The following ULK4 variants were observed in gnomAD, a reference collection of about 807,000 sequenced individuals.
ULK4 encodes the protein unc-51 like kinase 4, also known as inactive serine/threonine-protein kinase ULK4.
ULK4 carries 133 observed loss-of-function variants against 160.6 expected under a neutral mutation model. That is an observed-to-expected ratio of 0.83 (90% CI 0.72 to 0.96). The LOEUF is 0.96. Among genes scored for constraint, ULK4 ranks in the 40% least tolerant of loss-of-function variants. The pLI, the probability that ULK4 is intolerant of heterozygous loss-of-function variation, is 0.00. For missense variants in ULK4, 1,580 were observed against 1,499.5 expected, an observed-to-expected ratio of 1.05 and a Z score of -0.89; for synonymous variants, 534 against 539.8, an observed-to-expected ratio of 0.99 and a Z score of 0.15.
chr3:41,520,766 A>C (rs151042350), intron 32 of ULK4, among the ~76,000 whole-genome samples: 380 of 152,300 alleles, frequency 2.5e-3, no homozygotes, highest in Non-Finnish European at 4.5e-3. Flanking sequence ...CACTAGGTGA[A>C]GTGGTATCTC....
At chr3:41,432,011 T>C (rs528292888) in intron 34 of ULK4, among the ~76,000 whole-genome samples, 26 of 152,082 alleles carry the variant, frequency 1.7e-4, no homozygotes, top group Non-Finnish European at 1.9e-4. Context: ...CAGGCTGATC[T>C]CGATCTCCTG....
chr3:41,345,885 T>C (rs1283477639), intron 35 of ULK4, among the ~76,000 whole-genome samples: 2 of 152,086 alleles, frequency 1.3e-5, no homozygotes, highest in African/African-American at 4.8e-5. Flanking sequence ...GGGTAAAGGC[T>C]ATAAACCAAG....
At chr3:41,859,355 G>A in intron 17 of ULK4, 1 of 589,226 alleles carries the variant, frequency 1.7e-6, no homozygotes, top group Non-Finnish European at 3.3e-6. Flanking sequence ...CCTCCTCAAG[G>A]CCAATGATGC....
intron 22 of ULK4, among the ~76,000 whole-genome samples, chr3:41,751,109 C>T (rs1264664127): frequency 6.6e-6 from 1 of 151,292 alleles, no homozygotes; most frequent in African/African-American, 2.4e-5. Context: ...CCTAAATGGG[C>T]TGGGACAAAT....
chr3:41,905,840 G>A lies in ULK4; in HGVS notation c.1182+2005C>T, dbSNP rs145981365. Among the ~76,000 whole-genome samples the A allele has an allele frequency of 3.1e-3, 478 of 151,998 alleles. 1 individual carries two copies. The highest frequency in any genetic ancestry group is 0.011 in the African/African-American group (452 of 41,476). On this transcript the variant is annotated intron_variant, in intron 12 of 36. Coordinates refer to ENST00000301831, the MANE Select transcript of ULK4 (RefSeq NM_017886.4). ...CTGTAATCCAAACACTTTGGGAGGC[G>A]GAGACAGGTGGATCATTTGAGGTCA... is the stretch of plus-strand genomic sequence containing the variant.
intron 2 of ULK4, 89 bp downstream of exon 2, chr3:41,954,533 C>G (rs769321617): frequency 1.7e-5 from 25 of 1,460,278 alleles, no homozygotes; most frequent in Non-Finnish European, 8.3e-6. Flanking sequence ...TTTGATATAT[C>G]AAATTCAATG....
At chr3:41,533,502 T>G (rs929246939) in intron 32 of ULK4, among the ~76,000 whole-genome samples, 2 of 152,182 alleles carry the variant, frequency 1.3e-5, no homozygotes, top group Non-Finnish European at 2.9e-5. Context: ...GAGAGTAGTT[T>G]GGGAAGCGTT....
chr3:41,765,208 C>G (rs921710291), intron 21 of ULK4, among the ~76,000 whole-genome samples: 1 of 152,144 alleles, frequency 6.6e-6, no homozygotes, highest in Admixed American at 6.5e-5. Context: ...CACATATACA[C>G]CATGGAATAC....
At chr3:41,287,366 C>A (rs1360528949) in intron 35 of ULK4, among the ~76,000 whole-genome samples, 1 of 152,114 alleles carries the variant, frequency 6.6e-6, no homozygotes, top group Non-Finnish European at 1.5e-5. Flanking sequence ...TTCCTTCTGG[C>A]TCAAGAACTG....
chr3:41,532,932 T>C (rs1275913432), intron 32 of ULK4, among the ~76,000 whole-genome samples: 1 of 152,174 alleles, frequency 6.6e-6, no homozygotes, highest in Non-Finnish European at 1.5e-5. Context: ...TGAACCAATA[T>C]GGCTTAGTGA....
intron 35 of ULK4, among the ~76,000 whole-genome samples, chr3:41,254,706 AC>A (rs1235531357): frequency 6.6e-6 from 1 of 151,828 alleles, no homozygotes; most frequent in Non-Finnish European, 1.5e-5. Context: ...ACATGGTGAA[AC>A]CCTGTCTCTA....
intron 34 of ULK4, among the ~76,000 whole-genome samples, chr3:41,435,559 G>A (rs1020215490): frequency 2.0e-5 from 3 of 152,170 alleles, no homozygotes; most frequent in Non-Finnish European, 4.4e-5. Flanking sequence ...AGAATAAATA[G>A]TAACTTTGAA....
At chr3:41,301,708 T>C (rs2079802755) in intron 35 of ULK4, among the ~76,000 whole-genome samples, 1 of 152,088 alleles carries the variant, frequency 6.6e-6, no homozygotes, top group Admixed American at 6.6e-5. Flanking sequence ...AACCATAAAA[T>C]CAAAAGGCTG....
chr3:41,662,363 G>A (rs145494335), intron 30 of ULK4, among the ~76,000 whole-genome samples: 396 of 152,302 alleles, frequency 2.6e-3, no homozygotes, highest in African/African-American at 9.1e-3. Context: ...AATGGATGAG[G>A]GAAGGTAATA....
At chr3:41,908,855 G>A (rs879271385) in intron 11 of ULK4, among the ~76,000 whole-genome samples, 2 of 152,132 alleles carry the variant, frequency 1.3e-5, no homozygotes, top group Admixed American at 6.5e-5. Context: ...CACTTTGGGA[G>A]GCCGAGGTGG....
chr3:41,580,199 C>T (rs1460690442), intron 31 of ULK4, among the ~76,000 whole-genome samples: 3 of 152,194 alleles, frequency 2.0e-5, no homozygotes, highest in Non-Finnish European at 4.4e-5. Flanking sequence ...CTGTCATGAG[C>T]TTGTATTTAT....
rs1188266418 is a variant in ULK4, at chr3:41,463,651, T to G, written c.3227-398A>C. On this transcript the variant is annotated intron_variant, in intron 32 of 36. Transcript: ENST00000301831. ...AAGGGCCACAGTGAACCCAGTGGTCTGCTCTATCTAGCAACTGGGTGGTTT... is the reference window on the plus strand; with the variant it reads ...AAGGGCCACAGTGAACCCAGTGGTCGGCTCTATCTAGCAACTGGGTGGTTT... Among the ~76,000 whole-genome samples the G allele has an allele frequency of 2.0e-5, 3 of 152,218 alleles. No individual in the cohort carries two copies. In the East Asian group the frequency reaches 5.8e-4, roughly 29 times the overall value.
chr3:41,954,783 A>G lies in ULK4; in HGVS notation c.-24T>C, dbSNP rs7651623. 0.98 allele frequency: 1,573,841 copies of G among 1,598,876 alleles called. 777,053 individuals carry two copies. The highest frequency in any genetic ancestry group is 1 in the East Asian group (44,741 of 44,742). ...ATCTCTGGGCCGACTTCTCACATACAATAGAATAACAGCATCTCTAGCTCC... is the reference window on the plus strand; with the variant it reads ...ATCTCTGGGCCGACTTCTCACATACGATAGAATAACAGCATCTCTAGCTCC... On this transcript the variant is annotated 5_prime_UTR_variant, in exon 2 of 37. Coordinates refer to ENST00000301831, the MANE Select transcript of ULK4 (RefSeq NM_017886.4).
chr3:41,706,148 G>A (rs1227199312), intron 25 of ULK4, among the ~76,000 whole-genome samples: 1 of 151,804 alleles, frequency 6.6e-6, no homozygotes, highest in Non-Finnish European at 1.5e-5. Flanking sequence ...TGCTGTTTGA[G>A]AGGAAGGCCT....
Sources: allele counts gnomAD v4.1 joint callset (sites outside exome capture counted in the v4.1 genomes callset), GRCh38; gene constraint gnomAD v4.1.1; transcripts MANE v1.5; gene names NCBI Gene and HGNC (gene_info 2026-07-23, HGNC 2026-07-21).